The following UBE2R2 variants were observed in gnomAD, a reference collection of about 807,000 sequenced individuals.
The protein encoded by UBE2R2 is ubiquitin conjugating enzyme E2 R2, also known as ubiquitin-conjugating enzyme E2 R2.
UBE2R2 carries 1 observed loss-of-function variant against 27.8 expected under a neutral mutation model. The observed-to-expected ratio is 0.04, with a 90% CI of 0.01 to 0.17. The LOEUF (loss-of-function observed/expected upper bound fraction) is 0.17. Among genes scored for constraint, UBE2R2 ranks in the 10% least tolerant of loss-of-function variants. UBE2R2 has a pLI of 1.00. For synonymous variants in UBE2R2, 106 were observed against 113.3 expected, an observed-to-expected ratio of 0.94 and a Z score of 0.41; for missense variants, 100 against 291.0, an observed-to-expected ratio of 0.34 and a Z score of 4.78.
chr9:33,839,164 T>G (rs556063531), intron 1 of UBE2R2, among the ~76,000 whole-genome samples: 24 of 152,060 alleles, frequency 1.6e-4, no homozygotes, highest in African/African-American at 5.8e-4. Context: ...AATGTGATAG[T>G]ATAAGGAGGT....
intron 3 of UBE2R2, among the ~76,000 whole-genome samples, chr9:33,908,980 C>T (rs189288489): frequency 9.3e-5 from 14 of 150,548 alleles, no homozygotes; most frequent in African/African-American, 2.7e-4. Context: ...GTATTCCAGC[C>T]GGGGCAACAT....
intron 1 of UBE2R2, among the ~76,000 whole-genome samples, chr9:33,833,344 C>T (rs1286741555): frequency 2.0e-5 from 3 of 152,176 alleles, no homozygotes; most frequent in African/African-American, 7.2e-5. Flanking sequence ...GCATTACAGG[C>T]GTGAGCCACC....
chr9:33,917,701 T>TAA lies in UBE2R2; in HGVS notation c.*464_*465insAA. ...TGGAAAAAAACCCACAAAACAAACT[T>TAA]TAAAAAAAAAAAAAAACAAATTTGC... On this transcript the variant is annotated 3_prime_UTR_variant, in exon 5 of 5. Coordinates refer to ENST00000263228, the MANE Select transcript of UBE2R2 (RefSeq NM_017811.4). 5.0e-6 allele frequency: 1 copy of TAA among 198,598 alleles called. No individual in the cohort carries two copies. Among genetic ancestry groups the TAA allele is most frequent in the East Asian group, 1.1e-4 (1 of 8,986 alleles). The allele number at this position is 198,598 out of a possible 1,614,324, so 12.3% of individuals were successfully genotyped here.
At chr9:33,822,476 G>A (rs1825999106) in intron 1 of UBE2R2, among the ~76,000 whole-genome samples, 1 of 150,540 alleles carries the variant, frequency 6.6e-6, no homozygotes, top group African/African-American at 2.5e-5. Context: ...GCCCAGGCTG[G>A]AGTGCAGTGG....
chr9:33,834,204 C>CTT (rs1338617494), intron 1 of UBE2R2, among the ~76,000 whole-genome samples: 3 of 122,970 alleles, frequency 2.4e-5, no homozygotes, highest in African/African-American at 5.9e-5. Context: ...TTTTTTTTTT[C>CTT]TTTTTTTTTT....
At chr9:33,868,460 T>C (rs1433867218) in intron 1 of UBE2R2, 1 of 152,074 alleles carries the variant, frequency 6.6e-6, no homozygotes, top group East Asian at 1.9e-4. Flanking sequence ...TTTTCCCACA[T>C]ACTATTATTG....
At chr9:33,822,100 T>A (rs1226595068) in intron 1 of UBE2R2, among the ~76,000 whole-genome samples, 27 of 150,836 alleles carry the variant, frequency 1.8e-4, no homozygotes, top group Admixed American at 6.6e-4. Context: ...ATATATATTT[T>A]TTTTTTTTGA....
chr9:33,819,567 TTC>T (rs563011145), intron 1 of UBE2R2, among the ~76,000 whole-genome samples: 6 of 152,344 alleles, frequency 3.9e-5, no homozygotes, highest in African/African-American at 1.4e-4. Flanking sequence ...ATGAAGCATA[TTC>T]TCTGTTGTCA....
In UBE2R2 at chr9:33,819,852, C is replaced by T. The variant is rs1046347193; in HGVS notation, c.177+1918C>T. 8.2e-4 allele frequency among the ~76,000 whole-genome samples: 125 copies of T among 152,192 alleles called. 1 individual carries two copies. Among genetic ancestry groups the T allele is most frequent in the Non-Finnish European group, 1.9e-4 (13 of 67,986 alleles). ...TGGGGTTTCACCATATTGGCCAGGCCGGTCTCGAACTCCAGACCCTGTGAT... is the reference window on the plus strand; with the variant it reads ...TGGGGTTTCACCATATTGGCCAGGCTGGTCTCGAACTCCAGACCCTGTGAT... On this transcript the variant is annotated intron_variant, in intron 1 of 4. Coordinates refer to ENST00000263228, the MANE Select transcript of UBE2R2 (RefSeq NM_017811.4).
chr9:33,875,251 T>A (rs550153128), intron 1 of UBE2R2, among the ~76,000 whole-genome samples: 9 of 152,348 alleles, frequency 5.9e-5, no homozygotes, highest in African/African-American at 2.2e-4. Context: ...CCAGTCAATG[T>A]TTACATTTCC....
chr9:33,856,888 C>CTTTTTTTTTTTTTTTTT (rs140169417), intron 1 of UBE2R2, among the ~76,000 whole-genome samples: 1 of 82,324 alleles, frequency 1.2e-5, no homozygotes, highest in African/African-American at 4.5e-5. Context: ...CTTCCTTTCA[C>CTTTTTTTTTTTTTTTTT]TTTTTTTTTT....
At chr9:33,827,484 TACAAAAATTA>T (rs1820340692) in intron 1 of UBE2R2, among the ~76,000 whole-genome samples, 1 of 151,868 alleles carries the variant, frequency 6.6e-6, no homozygotes, top group African/African-American at 2.4e-5. Flanking sequence ...CAACTAAAAA[TACAAAAATTA>T]GCCTGGTGTG....
chr9:33,822,881 T>TTTTTTC (rs1234696846), intron 1 of UBE2R2, among the ~76,000 whole-genome samples: 1 of 151,222 alleles, frequency 6.6e-6, no homozygotes, highest in East Asian at 1.9e-4. Context: ...TTTATTTCTT[T>TTTTTTC]TTTTTCTTTT....
chr9:33,835,146 T>G (rs891203113), intron 1 of UBE2R2, among the ~76,000 whole-genome samples: 2 of 28,480 alleles, frequency 7.0e-5, no homozygotes, highest in African/African-American at 2.4e-4. Flanking sequence ...TAAGTGTAGG[T>G]TTTTTTTTTT....
At chr9:33,883,568 T>G (rs1821780055) in intron 1 of UBE2R2, among the ~76,000 whole-genome samples, 1 of 151,776 alleles carries the variant, frequency 6.6e-6, no homozygotes. Context: ...TACAAAAATT[T>G]AGCTGGGTGT....
At position 33,916,906 on chromosome 9, in the gene UBE2R2, A is replaced by G; in HGVS notation, c.498-112A>G. The stretch of plus-strand genomic sequence containing the variant: ...ATCTGTCAGATGCTTTCAGGCAGGT[A>G]CTGAAGTTTGGAGAGCTGAGTCATA... On this transcript the variant is annotated intron_variant, in intron 4 of 4. Transcript: ENST00000263228. 6 of 1,459,562 alleles carry G rather than the reference A, an allele frequency of 4.1e-6. No homozygotes were observed. The South Asian group carries it at 7.1e-5, about 17-fold the overall frequency. 90.4% of individuals were successfully genotyped at this position (1,459,562 alleles called of 1,614,324 possible). A position where few individuals can be genotyped will look rare whatever the true frequency, so the allele number is the denominator to read the frequency against.
intron 1 of UBE2R2, among the ~76,000 whole-genome samples, chr9:33,829,015 G>T (rs2130722283): frequency 6.6e-6 from 1 of 152,150 alleles, no homozygotes; most frequent in Middle Eastern, 3.4e-3. Context: ...GATTACAAGT[G>T]TGAGCCACCA....
At chr9:33,884,453 A>G (rs1821811836) in intron 1 of UBE2R2, among the ~76,000 whole-genome samples, 1 of 150,752 alleles carries the variant, frequency 6.6e-6, no homozygotes, top group South Asian at 2.1e-4. Flanking sequence ...CTGATTTTTA[A>G]ATTTTTTGTA....
chr9:33,831,654 ATTTTATTTTATTTG>A (rs1298746743), intron 1 of UBE2R2, among the ~76,000 whole-genome samples: 13 of 150,936 alleles, frequency 8.6e-5, no homozygotes, highest in African/African-American at 3.2e-4. Context: ...TATTTTATTT[ATTTTATTTTATTTG>A]TTTGTTTTTG....
Sources: gnomAD v4.1 joint callset for allele counts (sites outside exome capture counted in the v4.1 genomes callset) on GRCh38, gnomAD v4.1.1 for gene constraint, MANE v1.5 for transcripts, NCBI Gene and HGNC (gene_info 2026-07-23, HGNC 2026-07-21) for gene names.